The following GABRA3 variants were observed in gnomAD, a reference collection of about 807,000 sequenced individuals.
The protein encoded by GABRA3 is gamma-aminobutyric acid type A receptor subunit alpha3, also known as gamma-aminobutyric acid receptor subunit alpha-3.
Under a neutral mutation model 30.1 loss-of-function variants are expected in GABRA3, and 10 were observed. The ratio of observed to expected loss-of-function variants is 0.33; its 90% confidence interval spans 0.20 to 0.56. The LOEUF (loss-of-function observed/expected upper bound fraction) is 0.56. GABRA3 is among the 20% of genes least tolerant of loss of function. The pLI is 0.89. For synonymous variants in GABRA3, 151 were observed against 146.8 expected (o/e 1.03, Z -0.21); for missense variants, 233 against 392.0 (o/e 0.59, Z 3.42).
chrX:152,224,740 A>G (rs767282161), intron 6 of GABRA3, 23 bp downstream of exon 6: 1 of 1,072,545 alleles, frequency 9.3e-7, no homozygotes, highest in South Asian at 2.1e-5. Context: ...AAAAAGACAG[A>G]GAGAGAGAGA....
In GABRA3 at chrX:152,190,887, T is replaced by A. The variant is rs755751290; in HGVS notation, c.932-946A>T. ...ATGCATGTGAATATATATATATATA[T>A]AATATAAAATTGTGATTAACGGTAT... is the stretch of plus-strand genomic sequence containing the variant. On this transcript the variant is annotated intron_variant, in intron 8 of 9. Coordinates refer to ENST00000370314, the MANE Select transcript of GABRA3 (RefSeq NM_000808.4). 5.7e-3 allele frequency among the ~76,000 whole-genome samples: 618 copies of A among 108,295 alleles called. 6 individuals carry two copies. Among genetic ancestry groups the A allele is most frequent in the African/African-American group, 0.019 (581 of 29,882 alleles). 94.0% of individuals were successfully genotyped at this position (108,295 alleles called of 115,157 possible).
intron 8 of GABRA3, among the ~76,000 whole-genome samples, chrX:152,193,150 T>A (rs1246589434): frequency 9.0e-6 from 1 of 111,662 alleles, no homozygotes; most frequent in African/African-American, 3.2e-5. Flanking sequence ...ATAAGTATCA[T>A]CTATAGAATA....
intron 3 of GABRA3, among the ~76,000 whole-genome samples, chrX:152,317,113 C>G (rs1939890033): frequency 9.0e-6 from 1 of 111,646 alleles, no homozygotes; most frequent in Non-Finnish European, 1.9e-5. Context: ...CCTCAAGAGA[C>G]TCACCTAACA....
intron 3 of GABRA3, among the ~76,000 whole-genome samples, chrX:152,317,708 C>T (rs968291241): frequency 2.7e-5 from 3 of 111,920 alleles, no homozygotes; most frequent in African/African-American, 9.7e-5. Flanking sequence ...ATAACCTGCT[C>T]ATCAATAATC....
chrX:152,293,380 C>CT (rs926419800), intron 3 of GABRA3, among the ~76,000 whole-genome samples: 28 of 110,680 alleles, frequency 2.5e-4, no homozygotes, highest in African/African-American at 7.9e-4. Context: ...CAAACCCCTG[C>CT]TTTTTTTTGT....
At chrX:152,354,803 A>G (rs906727705) in intron 2 of GABRA3, among the ~76,000 whole-genome samples, 1 of 111,520 alleles carries the variant, frequency 9.0e-6, no homozygotes, top group Non-Finnish European at 1.9e-5. Flanking sequence ...ATTCTTTCCC[A>G]GGATAGGAGC....
At chrX:152,200,404 G>A (rs1937467215) in intron 7 of GABRA3, among the ~76,000 whole-genome samples, 1 of 112,147 alleles carries the variant, frequency 8.9e-6, no homozygotes, top group African/African-American at 3.2e-5. Flanking sequence ...GCTTGTTTAT[G>A]TGAACACAAA....
At chrX:152,201,518 G>T (rs1472535411) in intron 7 of GABRA3, among the ~76,000 whole-genome samples, 13 of 112,019 alleles carry the variant, frequency 1.2e-4, no homozygotes, top group Non-Finnish European at 2.4e-4. Context: ...CTATTGCTGT[G>T]TCTCTCTGTC....
At position 152,364,547 on chromosome X, in the gene GABRA3, G is replaced by A. The variant is rs767240156; in HGVS notation, c.24C>T (p.His8=). 35 of 1,205,853 alleles carry A rather than the reference G, an allele frequency of 2.9e-5. No homozygotes were observed. In the Admixed American group the frequency reaches 7.5e-4, roughly 26 times the overall value. Residue 8 remains histidine (H), a synonymous_variant, in exon 2 of 10, where the codon CAC becomes CAT. Coordinates refer to ENST00000370314, the MANE Select transcript of GABRA3 (RefSeq NM_000808.4). Reference sequence around the variant, plus strand: ...GAATCCCAAGGCTGGTCATGTAACAGTGACTTGTTTGTGTGATTATCATCT... The same window carrying A: ...GAATCCCAAGGCTGGTCATGTAACAATGACTTGTTTGTGTGATTATCATCT... MIITQTS[H]CYMTSLGILF...
At chrX:152,414,011 A>T (rs1930142813) in intron 1 of GABRA3, among the ~76,000 whole-genome samples, 1 of 111,669 alleles carries the variant, frequency 9.0e-6, no homozygotes, top group African/African-American at 3.2e-5. Context: ...AGCAAAATAA[A>T]AAAAGCTATT....
In GABRA3 at chrX:152,208,026, C is replaced by A. The variant is rs138267589; in HGVS notation, c.753G>T (p.Gly251=). The A allele has an allele frequency of 2.3e-5, 28 of 1,209,762 alleles. No individual in the cohort carries two copies. Among genetic ancestry groups the A allele is most frequent in the Non-Finnish European group, 3.1e-5 (28 of 895,103 alleles). The change falls in exon 7 of 10, where the codon GGG becomes GGT. Residue 251 remains glycine, a synonymous_variant. Transcript: ENST00000370314. ...NQYDLLGHVV[G]TEIIRSSTGE... ...CTGTACTAGACCGGATTATCTCTGT[C>A]CCAACAACATGGCCCAAAAGGTCAT...
chrX:152,269,630 G>T (rs1938890998), intron 4 of GABRA3, among the ~76,000 whole-genome samples: 1 of 112,000 alleles, frequency 8.9e-6, no homozygotes, highest in Non-Finnish European at 1.9e-5. Flanking sequence ...CATGGTGCTG[G>T]CATAAACAGA....
chrX:152,432,395 T>G (rs978642308), intron 1 of GABRA3, among the ~76,000 whole-genome samples: 1 of 111,624 alleles, frequency 9.0e-6, no homozygotes, highest in Non-Finnish European at 1.9e-5. Context: ...AGACCTCATA[T>G]ACTTTTAACA....
chrX:152,296,155 A>C (rs1279836097), intron 3 of GABRA3, among the ~76,000 whole-genome samples: 1 of 111,674 alleles, frequency 9.0e-6, no homozygotes, highest in Non-Finnish European at 1.9e-5. Flanking sequence ...GATCACTGGG[A>C]ATTTTGGTGA....
intron 1 of GABRA3, among the ~76,000 whole-genome samples, chrX:152,420,746 C>T (rs1428710559): frequency 9.0e-6 from 1 of 110,991 alleles, no homozygotes; most frequent in Non-Finnish European, 1.9e-5. Context: ...TTTTGGATAT[C>T]CACATAGAAA....
chrX:152,255,354 T>G (rs1305557431), intron 5 of GABRA3, among the ~76,000 whole-genome samples: 2 of 112,378 alleles, frequency 1.8e-5, no homozygotes, highest in African/African-American at 6.5e-5. Context: ...TCTCATTTGA[T>G]TCTCACAACT....
At chrX:152,368,150 C>T (rs1292232051) in intron 1 of GABRA3, among the ~76,000 whole-genome samples, 5 of 111,682 alleles carry the variant, frequency 4.5e-5, no homozygotes, top group Admixed American at 1.9e-4. Context: ...CTTCCCATTT[C>T]AAAAGCCTCA....
chrX:152,284,766 T>C, intron 3 of GABRA3, 31 bp from the exon 4 acceptor site: 1 of 1,069,513 alleles, frequency 9.4e-7, no homozygotes, highest in Non-Finnish European at 1.3e-6. Context: ...AAGCAGAATG[T>C]CAGGAAAGGC....
At chrX:152,231,854 G>A (rs750717857) in intron 5 of GABRA3, among the ~76,000 whole-genome samples, 3 of 111,688 alleles carry the variant, frequency 2.7e-5, no homozygotes, top group Non-Finnish European at 5.7e-5. Context: ...ACACACAATG[G>A]CATGGATGAA....
Sources: allele counts gnomAD v4.1 joint callset (sites outside exome capture counted in the v4.1 genomes callset), GRCh38; gene constraint gnomAD v4.1.1; transcripts MANE v1.5; gene names NCBI Gene and HGNC (gene_info 2026-07-23, HGNC 2026-07-21).